The following DEUP1 variants were observed in gnomAD, a reference collection of about 807,000 sequenced individuals.
The protein encoded by DEUP1 is deuterosome assembly protein 1.
A neutral mutation model predicts 87.4 loss-of-function variants in DEUP1; 82 were observed. The ratio of observed to expected loss-of-function variants is 0.94; its 90% confidence interval spans 0.78 to 1.13. The LOEUF is 1.13. DEUP1 is among the 50% of genes most tolerant of loss of function. The pLI is 0.00. For missense variants in DEUP1, 663 were observed against 681.5 expected, an observed-to-expected ratio of 0.97 and a Z score of 0.30; for synonymous variants, 214 against 222.7, an observed-to-expected ratio of 0.96 and a Z score of 0.35.
intron 13 of DEUP1, among the ~76,000 whole-genome samples, chr11:93,416,595 G>C (rs544167069): frequency 2.0e-5 from 3 of 151,682 alleles, no homozygotes; most frequent in Admixed American, 6.6e-5. Context: ...AATTCTACCA[G>C]AGGTACAAGG....
chr11:93,396,614 C>G (rs1946953131), intron 11 of DEUP1, among the ~76,000 whole-genome samples: 1 of 152,152 alleles, frequency 6.6e-6, no homozygotes. Flanking sequence ...CCTTTGAAAT[C>G]CTACATCCTA....
chr11:93,392,257 C>A (rs1946786698), intron 9 of DEUP1, among the ~76,000 whole-genome samples: 1 of 152,196 alleles, frequency 6.6e-6, no homozygotes, highest in Admixed American at 6.5e-5. Context: ...TCAGGTTTTT[C>A]CAAATGTGAA....
At position 93,416,543 on chromosome 11, in the gene DEUP1, T is replaced by C. The variant is rs539673360; in HGVS notation, c.1638+1429T>C. Among the ~76,000 whole-genome samples, 6 of 151,876 alleles carry C rather than the reference T, an allele frequency of 4.0e-5. No homozygotes were observed. In the South Asian group the frequency reaches 1.3e-3, roughly 32 times the overall value. ...GAAATTGTGGCAATAATCAATAGCT[T>C]ACCAACCAAAAAGAGTCCAGGACCA... On this transcript the variant is annotated intron_variant, in intron 13 of 13. Transcript: ENST00000298050.
intron 11 of DEUP1, among the ~76,000 whole-genome samples, chr11:93,399,020 C>A (rs1358711177): frequency 5.9e-5 from 9 of 152,076 alleles, no homozygotes; most frequent in Admixed American, 2.0e-4. Context: ...ACCCCGTCCA[C>A]CCTCATGTCA....
intron 2 of DEUP1, among the ~76,000 whole-genome samples, chr11:93,352,065 G>C (rs1214540048): frequency 1.3e-5 from 2 of 152,142 alleles, no homozygotes; most frequent in Admixed American, 1.3e-4. Flanking sequence ...CCATTAATTA[G>C]CTGTGTGATC....
intron 13 of DEUP1, among the ~76,000 whole-genome samples, chr11:93,432,470 T>C (rs1948133289): frequency 6.6e-6 from 1 of 152,184 alleles, no homozygotes; most frequent in Non-Finnish European, 1.5e-5. Context: ...ACTGACCACA[T>C]GATATTTATG....
intron 2 of DEUP1, among the ~76,000 whole-genome samples, chr11:93,347,763 G>T (rs530189263): frequency 6.6e-6 from 1 of 151,822 alleles, no homozygotes; most frequent in Non-Finnish European, 1.5e-5. Flanking sequence ...TTTTTTAGGC[G>T]GAGTCTTGCT....
intron 2 of DEUP1, among the ~76,000 whole-genome samples, chr11:93,332,702 A>T (rs756608305): frequency 2.8e-4 from 43 of 152,210 alleles, no homozygotes; most frequent in Non-Finnish European, 4.9e-4. Flanking sequence ...GAATAGATGC[A>T]ACTCCGTAAA....
At chr11:93,408,023 A>G (rs2134416325) in intron 11 of DEUP1, among the ~76,000 whole-genome samples, 1 of 152,152 alleles carries the variant, frequency 6.6e-6, no homozygotes, top group Admixed American at 6.5e-5. Flanking sequence ...ATCATTGCAA[A>G]TGTGTTCCAC....
intron 5 of DEUP1, among the ~76,000 whole-genome samples, chr11:93,368,156 C>T (rs1433499878): frequency 1.3e-5 from 2 of 152,252 alleles, no homozygotes; most frequent in African/African-American, 4.8e-5. Flanking sequence ...CTTTATCAAC[C>T]TGCTTCTACC....
At chr11:93,408,512 T>C in intron 12 of DEUP1, 85 bp downstream of exon 12, 1 of 877,586 alleles carries the variant, frequency 1.1e-6, no homozygotes, top group Middle Eastern at 3.6e-4. Context: ...TATAACTTTA[T>C]ACGCTTTCTC....
At position 93,332,258 on chromosome 11, in the gene DEUP1, A is replaced by G. The variant is rs954507437; in HGVS notation, c.-2A>G. 1 of 1,608,048 alleles carries G rather than the reference A, an allele frequency of 6.2e-7. No homozygotes were observed. Among genetic ancestry groups the G allele is most frequent in the African/African-American group, 1.3e-5 (1 of 75,010 alleles). On this transcript the variant is annotated 5_prime_UTR_variant, in exon 2 of 14. Coordinates refer to ENST00000298050, the MANE Select transcript of DEUP1 (RefSeq NM_181645.4). The stretch of plus-strand genomic sequence containing the variant: ...ATAAACCAGATGTAGCAGTTTCTTG[A>G]CATGGAGAACCAAGCCCATAATACG...
chr11:93,414,788 T>C lies in DEUP1; in HGVS notation c.1524-212T>C, dbSNP rs115889440. 4.5e-3 allele frequency among the ~76,000 whole-genome samples: 680 copies of C among 152,258 alleles called. 3 individuals carry two copies. The highest frequency in any genetic ancestry group is 0.015 in the African/African-American group (643 of 41,556). ...AAAATATTTTTAACAGTTGTTAAGT[T>C]TTCTGCTTCATTTTTAATCATTCTA... On this transcript the variant is annotated intron_variant, in intron 12 of 13. Transcript: ENST00000298050.
At position 93,385,411 on chromosome 11, in the gene DEUP1, G is replaced by A; in HGVS notation, c.803G>A (p.Gly268Asp). The A allele has an allele frequency of 6.2e-7, 1 of 1,612,988 alleles. No homozygotes were observed. Among genetic ancestry groups the A allele is most frequent in the Non-Finnish European group, 8.5e-7 (1 of 1,179,664 alleles). Residue 268 changes from glycine to aspartate, a missense_variant, in exon 8 of 14, where the codon GGT (glycine) becomes GAT (aspartate). Physicochemically the swap from Gly to Asp is moderately conservative, Grantham distance 94 (BLOSUM62 -1). Coordinates refer to ENST00000298050, the MANE Select transcript of DEUP1 (RefSeq NM_181645.4). ...YQRQCQAMEA[G>D]LSEVKSELQS... is the part of the protein sequence containing the mutation. ...GTTTTTATTCAGGCCATGGAAGCAG[G>A]TCTCTCAGAGGTAAAAAGTGAGTTA...
At chr11:93,350,715 C>G (rs113508472) in intron 2 of DEUP1, among the ~76,000 whole-genome samples, 2 of 151,544 alleles carry the variant, frequency 1.3e-5, no homozygotes. Context: ...TTTGGGAGGC[C>G]GAAGCGGGAG....
At chr11:93,388,583 T>A (rs1251753746) in intron 8 of DEUP1, among the ~76,000 whole-genome samples, 1 of 152,232 alleles carries the variant, frequency 6.6e-6, no homozygotes, top group Non-Finnish European at 1.5e-5. Context: ...GAGTTAATGA[T>A]GTTTTATCTC....
intron 5 of DEUP1, 111 bp downstream of exon 5, chr11:93,364,405 C>G: frequency 5.8e-6 from 5 of 868,818 alleles, no homozygotes; most frequent in Non-Finnish European, 9.1e-6. Context: ...GTAATAAACA[C>G]TATTACAAAC....
At chr11:93,360,166 A>G (rs1468144433) in intron 4 of DEUP1, among the ~76,000 whole-genome samples, 1 of 152,140 alleles carries the variant, frequency 6.6e-6, no homozygotes, top group Non-Finnish European at 1.5e-5. Context: ...TGTATTAGTG[A>G]AAGACTAGTG....
intron 4 of DEUP1, among the ~76,000 whole-genome samples, chr11:93,359,577 A>G (rs1367992786): frequency 6.6e-6 from 1 of 152,152 alleles, no homozygotes; most frequent in Non-Finnish European, 1.5e-5. Flanking sequence ...TTTGCCTCAT[A>G]TATCTCAGAC....
Sources: allele counts gnomAD v4.1 joint callset (sites outside exome capture counted in the v4.1 genomes callset), GRCh38; gene constraint gnomAD v4.1.1; transcripts MANE v1.5; gene names NCBI Gene and HGNC (gene_info 2026-07-23, HGNC 2026-07-21).